Variants in SGCD observed in about 807,000 individuals in gnomAD.
SGCD encodes delta-sarcoglycan.
In SGCD, 18 loss-of-function variants were observed where a neutral mutation model predicts 36.6. The ratio of observed to expected loss-of-function variants is 0.49; its 90% CI spans 0.34 to 0.73. The LOEUF (loss-of-function observed/expected upper bound fraction) is 0.73, where lower values mean the gene tolerates loss of function less well. SGCD is among the 30% of genes least tolerant of loss of function. The pLI is 0.01. For synonymous variants in SGCD, 133 were observed against 130.6 expected (o/e 1.02, Z -0.12); for missense variants, 387 against 346.7 (o/e 1.12, Z -0.92).
intron 1 of SGCD, among the ~76,000 whole-genome samples, chr5:155,894,582 C>T (rs1045164894): frequency 2.6e-5 from 4 of 152,288 alleles, no homozygotes; most frequent in African/African-American, 9.6e-5. Flanking sequence ...AGCCACTCCC[C>T]ATCACTCTCT....
chr5:155,848,279 AG>A, the SGCD span, among the ~76,000 whole-genome samples: 1 of 152,216 alleles, frequency 6.6e-6, no homozygotes, highest in South Asian at 2.1e-4. Flanking sequence ...TAGTACCTAC[AG>A]GCCACATGGA....
chr5:156,475,448 C>A (rs1417054680), intron 3 of SGCD, among the ~76,000 whole-genome samples: 2 of 152,130 alleles, frequency 1.3e-5, no homozygotes, highest in African/African-American at 4.8e-5. Context: ...AAAGTATCTG[C>A]AATTCTGTCC....
intron 1 of SGCD, among the ~76,000 whole-genome samples, chr5:155,888,322 G>A (rs1756050793): frequency 6.6e-6 from 1 of 152,096 alleles, no homozygotes; most frequent in Non-Finnish European, 1.5e-5. Flanking sequence ...GTCCTTCATG[G>A]CCGTCTTACC....
At chr5:156,072,983 A>G (rs1760632871) in intron 1 of SGCD, among the ~76,000 whole-genome samples, 1 of 152,112 alleles carries the variant, frequency 6.6e-6, no homozygotes, top group Non-Finnish European at 1.5e-5. Flanking sequence ...CAGCTCCATC[A>G]GCTCCTTTAA....
intron 3 of SGCD, among the ~76,000 whole-genome samples, chr5:156,417,317 T>G (rs1266017870): frequency 6.6e-6 from 1 of 152,186 alleles, no homozygotes; most frequent in African/African-American, 2.4e-5. Context: ...TGCATACCTC[T>G]CTAGTCATTA....
At chr5:156,455,148 C>T (rs1754198009) in intron 3 of SGCD, among the ~76,000 whole-genome samples, 1 of 152,250 alleles carries the variant, frequency 6.6e-6, no homozygotes, top group Non-Finnish European at 1.5e-5. Flanking sequence ...GAATTATGTC[C>T]TGCATAAAGA....
the SGCD span, among the ~76,000 whole-genome samples, chr5:155,755,249 A>G: frequency 2.6e-5 from 4 of 152,230 alleles, no homozygotes; most frequent in Non-Finnish European, 5.9e-5. Context: ...TAACTGGTAA[A>G]CACATTTATT....
At chr5:156,127,753 A>G (rs975532565) in intron 3 of SGCD, among the ~76,000 whole-genome samples, 1 of 151,774 alleles carries the variant, frequency 6.6e-6, no homozygotes, top group Non-Finnish European at 1.5e-5. Flanking sequence ...AATAATACAA[A>G]ACAGCCGGAT....
intron 7 of SGCD, among the ~76,000 whole-genome samples, chr5:156,717,570 G>A (rs977944056): frequency 6.6e-6 from 1 of 152,192 alleles, no homozygotes; most frequent in Non-Finnish European, 1.5e-5. Context: ...TGCAGGGTTG[G>A]TGAATTCCTA....
intron 3 of SGCD, among the ~76,000 whole-genome samples, chr5:156,237,260 T>C (rs1765189973): frequency 6.6e-6 from 1 of 152,246 alleles, no homozygotes; most frequent in Non-Finnish European, 1.5e-5. Flanking sequence ...TCATAGGTTC[T>C]GTTCTCATTT....
intron 3 of SGCD, among the ~76,000 whole-genome samples, chr5:156,418,771 C>A (rs1773164422): frequency 6.6e-6 from 1 of 152,154 alleles, no homozygotes. Flanking sequence ...AGTGTGAGAG[C>A]TTCCATAGTA....
Position 156,538,239 on chromosome 5 carries a change from A to C in SGCD, c.294+29537A>C, listed in dbSNP as rs551165008. Among the ~76,000 whole-genome samples, 6 of 152,314 alleles carry C rather than the reference A, an allele frequency of 3.9e-5. No homozygotes were observed. The South Asian group carries it at 1.2e-3, about 32-fold the overall frequency. On this transcript the variant is annotated intron_variant, in intron 4 of 8. Transcript: ENST00000337851. The stretch of plus-strand genomic sequence containing the variant: ...GAGGCAAAGCATGTATTTGAAGAAT[A>C]GATAAGAAAACTGCAATGAAAGGAT...
At chr5:155,777,893 GAA>G in the SGCD span, among the ~76,000 whole-genome samples, 1 of 152,098 alleles carries the variant, frequency 6.6e-6, no homozygotes, top group Admixed American at 6.6e-5. Context: ...TCACAACACT[GAA>G]AGTTGTTCCA....
At chr5:155,943,183 T>C (rs1344685526) in intron 1 of SGCD, among the ~76,000 whole-genome samples, 2 of 152,212 alleles carry the variant, frequency 1.3e-5, no homozygotes, top group Admixed American at 6.5e-5. Context: ...ATTTAATTAA[T>C]CTAAGCCACC....
intron 3 of SGCD, among the ~76,000 whole-genome samples, chr5:156,242,237 G>C (rs767358654): frequency 6.6e-6 from 1 of 152,162 alleles, no homozygotes; most frequent in Non-Finnish European, 1.5e-5. Flanking sequence ...ATTTGGCTGA[G>C]TAAAAAACAA....
chr5:156,200,310 G>C (rs551596006), intron 3 of SGCD, among the ~76,000 whole-genome samples: 39 of 152,072 alleles, frequency 2.6e-4, no homozygotes, highest in Non-Finnish European at 4.6e-4. Flanking sequence ...CTGGCATAAA[G>C]ACAGATACAT....
At chr5:156,450,421 C>T (rs1753955777) in intron 3 of SGCD, among the ~76,000 whole-genome samples, 1 of 151,706 alleles carries the variant, frequency 6.6e-6, no homozygotes. Context: ...GAATTTGGTT[C>T]AGAAAGAGAG....
At chr5:156,636,352 T>C (rs777265126) in intron 6 of SGCD, among the ~76,000 whole-genome samples, 2 of 152,150 alleles carry the variant, frequency 1.3e-5, no homozygotes, top group Non-Finnish European at 2.9e-5. Flanking sequence ...TTAAGTAAAA[T>C]AGAATTCAAA....
intron 3 of SGCD, among the ~76,000 whole-genome samples, chr5:156,242,964 C>A (rs1765341832): frequency 6.6e-6 from 1 of 152,082 alleles, no homozygotes; most frequent in Admixed American, 6.5e-5. Flanking sequence ...TAAGGAATAC[C>A]TGGTAAGGTG....
Sources: allele counts gnomAD v4.1 joint callset (sites outside exome capture counted in the v4.1 genomes callset), GRCh38; gene constraint gnomAD v4.1.1; transcripts MANE v1.5; gene names NCBI Gene and HGNC (gene_info 2026-07-23, HGNC 2026-07-21).